SUCLG2: variants seen among roughly 807,000 people sequenced by gnomAD.
SUCLG2 encodes the protein succinate-CoA ligase GDP-forming subunit beta.
Under a neutral mutation model 47.9 loss-of-function variants are expected in SUCLG2, and 42 were observed. The observed-to-expected ratio is 0.88, with a 90% CI of 0.69 to 1.14. The LOEUF is 1.14. Among genes scored for constraint, SUCLG2 ranks in the 50% most tolerant of loss-of-function variants. The pLI, the probability that SUCLG2 is intolerant of heterozygous loss-of-function variation, is 0.00. For missense variants in SUCLG2, 571 were observed against 525.9 expected, an observed-to-expected ratio of 1.09 and a Z score of -0.84; for synonymous variants, 195 against 197.3, an observed-to-expected ratio of 0.99 and a Z score of 0.10.
chr3:67,361,307 G>C (rs1460135304), intron 10 of SUCLG2, among the ~76,000 whole-genome samples: 1 of 152,150 alleles, frequency 6.6e-6, no homozygotes, highest in Non-Finnish European at 1.5e-5. Flanking sequence ...TGACAGCTTA[G>C]TTAATGCATA....
intron 10 of SUCLG2, among the ~76,000 whole-genome samples, chr3:67,385,832 T>C (rs1702246695): frequency 6.6e-6 from 1 of 152,232 alleles, no homozygotes; most frequent in African/African-American, 2.4e-5. Flanking sequence ...AAAGGATCTG[T>C]TGGGCCTCTT....
intron 10 of SUCLG2, among the ~76,000 whole-genome samples, chr3:67,365,453 TTAGA>T (rs1433511980): frequency 6.6e-6 from 1 of 152,206 alleles, no homozygotes; most frequent in Non-Finnish European, 1.5e-5. Flanking sequence ...AGTAACAGTG[TTAGA>T]CAGTGTCTAG....
chr3:67,457,243 G>T (rs1575708700), intron 9 of SUCLG2, among the ~76,000 whole-genome samples: 1 of 152,236 alleles, frequency 6.6e-6, no homozygotes, highest in East Asian at 1.9e-4. Context: ...CAGATCTTCA[G>T]CATTAAATGT....
At chr3:67,632,779 A>T (rs144031407) in intron 1 of SUCLG2, among the ~76,000 whole-genome samples, 3 of 152,366 alleles carry the variant, frequency 2.0e-5, no homozygotes, top group Non-Finnish European at 4.4e-5. Flanking sequence ...CCAAGGTCAC[A>T]AGGATACAAA....
At chr3:67,578,280 T>TCA (rs1350984929) in intron 2 of SUCLG2, among the ~76,000 whole-genome samples, 1 of 141,378 alleles carries the variant, frequency 7.1e-6, no homozygotes, top group Non-Finnish European at 1.5e-5. Context: ...ATATAAAATT[T>TCA]TATATATATA....
At chr3:67,402,015 T>A (rs1231485397) in intron 9 of SUCLG2, among the ~76,000 whole-genome samples, 1 of 152,210 alleles carries the variant, frequency 6.6e-6, no homozygotes, top group Non-Finnish European at 1.5e-5. Flanking sequence ...TTGGGGCATG[T>A]TGTCCCAAGG....
intron 9 of SUCLG2, among the ~76,000 whole-genome samples, chr3:67,466,728 G>C (rs1391039020): frequency 3.3e-5 from 5 of 152,166 alleles, no homozygotes; most frequent in African/African-American, 1.2e-4. Context: ...TCTCCAGGAG[G>C]AAATGCTACT....
intron 9 of SUCLG2, among the ~76,000 whole-genome samples, chr3:67,487,690 T>C (rs965928739): frequency 6.6e-6 from 1 of 152,168 alleles, no homozygotes; most frequent in Non-Finnish European, 1.5e-5. Flanking sequence ...ACAGCAATGA[T>C]AGCCAAGACA....
chr3:67,407,269 C>G (rs1702835166), intron 9 of SUCLG2, among the ~76,000 whole-genome samples: 1 of 152,172 alleles, frequency 6.6e-6, no homozygotes. Flanking sequence ...AAATTCATGG[C>G]AAGTATACCA....
At chr3:67,559,970 C>T (rs1257208481) in intron 2 of SUCLG2, among the ~76,000 whole-genome samples, 2 of 141,874 alleles carry the variant, frequency 1.4e-5, no homozygotes, top group South Asian at 2.3e-4. Flanking sequence ...GTGCAGTTGT[C>T]GGGGGAGGGG....
intron 9 of SUCLG2, among the ~76,000 whole-genome samples, chr3:67,472,524 A>G (rs1704630491): frequency 6.6e-6 from 1 of 152,188 alleles, no homozygotes; most frequent in Non-Finnish European, 1.5e-5. Flanking sequence ...AACTGTCACT[A>G]TTACACTTAG....
rs1004691122 is a variant in SUCLG2 at position 67,639,984 on chromosome 3, T to C, written c.84+14519A>G. Among the ~76,000 whole-genome samples the C allele has an allele frequency of 2.6e-5, 4 of 152,182 alleles. No individual in the cohort carries two copies. In the South Asian group the frequency reaches 8.3e-4, roughly 31 times the overall value. On this transcript the variant is annotated intron_variant, in intron 1 of 10. Coordinates refer to ENST00000307227, the MANE Select transcript of SUCLG2 (RefSeq NM_003848.4). ...ATTTTAACTTAAAGATAGAGAAAACTTTAGAGCACTACCTATACTGTTTGT... is the reference window on the plus strand; with the variant it reads ...ATTTTAACTTAAAGATAGAGAAAACCTTAGAGCACTACCTATACTGTTTGT...
intron 1 of SUCLG2, among the ~76,000 whole-genome samples, chr3:67,640,567 C>T (rs907523865): frequency 4.6e-5 from 7 of 152,126 alleles, no homozygotes; most frequent in African/African-American, 1.7e-4. Flanking sequence ...ATTTTTTACT[C>T]TCTTATAACA....
intron 10 of SUCLG2, among the ~76,000 whole-genome samples, chr3:67,390,522 A>C (rs1702357073): frequency 1.3e-5 from 2 of 152,212 alleles, no homozygotes; most frequent in Non-Finnish European, 2.9e-5. Flanking sequence ...GAACTCACCA[A>C]CTGAGACAGA....
chr3:67,499,019 A>G (rs1383735276), intron 7 of SUCLG2, among the ~76,000 whole-genome samples: 1 of 152,194 alleles, frequency 6.6e-6, no homozygotes, highest in East Asian at 1.9e-4. Flanking sequence ...GTGCAATATG[A>G]ACGAAGTTTG....
At position 67,388,609 on chromosome 3, in the gene SUCLG2, T is replaced by C. The variant is rs144475590; in HGVS notation, c.1183+12122A>G. On this transcript the variant is annotated intron_variant, in intron 10 of 10. Transcript: ENST00000307227. ...ATCATAGGTGAAACAATGCAGAAATTTGAAGAAGGTATTATCCATAAAGGG... is the reference window on the plus strand; with the variant it reads ...ATCATAGGTGAAACAATGCAGAAATCTGAAGAAGGTATTATCCATAAAGGG... Among the ~76,000 whole-genome samples, 763 of 152,302 alleles carry C rather than the reference T, an allele frequency of 5.0e-3. 8 individuals carry two copies. Among genetic ancestry groups the C allele is most frequent in the African/African-American group, 0.017 (703 of 41,562 alleles).
chr3:67,401,997 C>A (rs546897263), intron 9 of SUCLG2, among the ~76,000 whole-genome samples: 1 of 152,154 alleles, frequency 6.6e-6, no homozygotes, highest in South Asian at 2.1e-4. Flanking sequence ...AGAAAGCCAT[C>A]GGGCGCATTG....
intron 9 of SUCLG2, among the ~76,000 whole-genome samples, chr3:67,450,477 G>A (rs901212718): frequency 3.3e-5 from 5 of 151,890 alleles, no homozygotes; most frequent in Non-Finnish European, 5.9e-5. Context: ...AACTAAAGAG[G>A]GAATACACTT....
chr3:67,531,493 G>C (rs1450683336), intron 2 of SUCLG2, among the ~76,000 whole-genome samples: 1 of 151,026 alleles, frequency 6.6e-6, no homozygotes, highest in Non-Finnish European at 1.5e-5. Context: ...AGAAAGAGTT[G>C]TATCCTCAAT....
Sources: allele counts gnomAD v4.1 joint callset (sites outside exome capture counted in the v4.1 genomes callset), GRCh38; gene constraint gnomAD v4.1.1; transcripts MANE v1.5; gene names NCBI Gene and HGNC (gene_info 2026-07-23, HGNC 2026-07-21).